DCLK2: variants seen among roughly 807,000 people sequenced by gnomAD.
DCLK2 encodes the protein serine/threonine-protein kinase DCLK2.
DCLK2 carries 31 observed loss-of-function variants against 78.4 expected under a neutral mutation model. The observed-to-expected ratio is 0.40, with a 90% CI of 0.30 to 0.53. The LOEUF is 0.53. DCLK2 is among the 20% of genes least tolerant of loss of function. The probability of loss-of-function intolerance (pLI) is 0.61; values close to 1 mark genes in which losing one functional copy is unlikely to be tolerated. For missense variants in DCLK2, 872 were observed against 973.7 expected (o/e 0.90, Z 1.39); for synonymous variants, 407 against 374.9 (o/e 1.09, Z -0.99).
chr4:150,249,428 C>A, intron 14 of DCLK2, 140 bp from the exon 15 acceptor site: 1 of 695,784 alleles, frequency 1.4e-6, no homozygotes, highest in Non-Finnish European at 2.6e-6. Flanking sequence ...TCATTGTTTC[C>A]CTAATTCTGT....
At chr4:150,117,633 C>G (rs185699404) in intron 2 of DCLK2, among the ~76,000 whole-genome samples, 1 of 152,290 alleles carries the variant, frequency 6.6e-6, no homozygotes, top group African/African-American at 2.4e-5. Flanking sequence ...TGGCTTCCCT[C>G]CATCCCCGCT....
At chr4:150,247,421 G>A (rs978067615) in intron 12 of DCLK2, among the ~76,000 whole-genome samples, 182 bp from the exon 13 acceptor site, 1 of 152,052 alleles carries the variant, frequency 6.6e-6, no homozygotes, top group Admixed American at 6.5e-5. Flanking sequence ...ATGTTCTTTG[G>A]CTCATTATCT....
rs139287963 is a variant in DCLK2 at position 150,170,094 on chromosome 4, C to G, written c.757-23044C>G. 6.0e-3 allele frequency among the ~76,000 whole-genome samples: 920 copies of G among 152,168 alleles called. 7 individuals carry two copies. The highest frequency in any genetic ancestry group is 0.01 in the Middle Eastern group (3 of 294). ...TTGAGACAGAGTCTCACTCTGACACCCAGGCTTGGAGTACAGTGGCATGAT... is the reference window on the plus strand; with the variant it reads ...TTGAGACAGAGTCTCACTCTGACACGCAGGCTTGGAGTACAGTGGCATGAT... On this transcript the variant is annotated intron_variant, in intron 2 of 15. Transcript: ENST00000296550.
intron 1 of DCLK2, among the ~76,000 whole-genome samples, chr4:150,097,612 G>A (rs1226874746): frequency 6.6e-6 from 1 of 152,202 alleles, no homozygotes; most frequent in Non-Finnish European, 1.5e-5. Flanking sequence ...TGCTATATAT[G>A]CAGTAATGCA....
At chr4:150,229,056 T>C (rs1224013522) in intron 8 of DCLK2, among the ~76,000 whole-genome samples, 1 of 145,466 alleles carries the variant, frequency 6.9e-6, no homozygotes, top group Non-Finnish European at 1.5e-5. Flanking sequence ...AAAAAAAAAC[T>C]ATGGCTGGAA....
Position 150,256,287 on chromosome 4 carries a change from G to A in DCLK2, c.*40G>A. 1 of 1,463,546 alleles carries A rather than the reference G, an allele frequency of 6.8e-7. No individual in the cohort carries two copies. Among genetic ancestry groups the A allele is most frequent in the Non-Finnish European group, 9.0e-7 (1 of 1,110,982 alleles). 90.7% of individuals were successfully genotyped at this position (1,463,546 alleles called of 1,614,324 possible). ...GGCGAAGCCGCCTGCTGCAGCCCAGGAAGCCAGCCCTCTGCTCGGCCTCGC... is the reference window on the plus strand; with the variant it reads ...GGCGAAGCCGCCTGCTGCAGCCCAGAAAGCCAGCCCTCTGCTCGGCCTCGC... On this transcript the variant is annotated 3_prime_UTR_variant, in exon 16 of 16. Transcript: ENST00000296550.
intron 2 of DCLK2, among the ~76,000 whole-genome samples, chr4:150,154,803 A>G (rs1464469606): frequency 6.6e-6 from 1 of 152,224 alleles, no homozygotes; most frequent in Non-Finnish European, 1.5e-5. Flanking sequence ...TATGCAATAA[A>G]ATGTACCAAT....
rs1730293757 is a variant in DCLK2 at position 150,094,080 on chromosome 4, A to G, written c.422-8398A>G. Among the ~76,000 whole-genome samples, 6 of 152,230 alleles carry G rather than the reference A, an allele frequency of 3.9e-5. No homozygotes were observed. In the South Asian group the frequency reaches 1.2e-3, roughly 31 times the overall value. ...AACTCAAAATAATTTAAAAATTTAA[A>G]TATAAGATCTGAAACTCCTAGAAGG... On this transcript the variant is annotated intron_variant, in intron 1 of 15. Transcript: ENST00000296550.
intron 1 of DCLK2, among the ~76,000 whole-genome samples, chr4:150,093,837 A>G (rs543277491): frequency 2.0e-4 from 30 of 152,366 alleles, no homozygotes; most frequent in African/African-American, 7.2e-4. Context: ...TAATTAAAAC[A>G]TTATGATACT....
At chr4:150,190,240 T>TAGATAGATAGAC (rs1553966423) in intron 2 of DCLK2, among the ~76,000 whole-genome samples, 7 of 35,688 alleles carry the variant, frequency 2.0e-4, no homozygotes, top group African/African-American at 1.5e-3. Context: ...GATAGTTAGA[T>TAGATAGATAGAC]AGATAGATAG....
Position 150,249,692 on chromosome 4 carries a change from G to A in DCLK2, c.2073+8G>A. 1 of 1,610,114 alleles carries A rather than the reference G, an allele frequency of 6.2e-7. No individual in the cohort carries two copies. Among genetic ancestry groups the A allele is most frequent in the Non-Finnish European group, 8.5e-7 (1 of 1,177,004 alleles). On this transcript the variant is annotated splice_region_variant and intron_variant, in intron 15 of 15. Coordinates refer to ENST00000296550, the MANE Select transcript of DCLK2 (RefSeq NM_001040260.4). ...GGGGTCTCCGTCATCATGGTGAGTG[G>A]AAGGCGGCAGGTCTGGCCTGACTGC...
At chr4:150,246,123 C>A (rs560504772) in intron 12 of DCLK2, among the ~76,000 whole-genome samples, 75 of 151,902 alleles carry the variant, frequency 4.9e-4, no homozygotes, top group African/African-American at 1.8e-3. Flanking sequence ...CAGCTCACTG[C>A]AACCTCCGCC....
intron 2 of DCLK2, among the ~76,000 whole-genome samples, chr4:150,148,396 T>C (rs1734634520): frequency 6.7e-6 from 1 of 148,690 alleles, no homozygotes; most frequent in Admixed American, 6.7e-5. Flanking sequence ...TTTTTTTTTA[T>C]GTTTTTAAAA....
At chr4:150,124,704 A>C (rs1193149359) in intron 2 of DCLK2, among the ~76,000 whole-genome samples, 1 of 152,250 alleles carries the variant, frequency 6.6e-6, no homozygotes, top group African/African-American at 2.4e-5. Flanking sequence ...AAGTAACTTA[A>C]TCCAAATTTT....
Position 150,249,625 on chromosome 4 carries a change from C to T in DCLK2, c.2014C>T (p.His672Tyr), listed in dbSNP as rs1580798304. The T allele has an allele frequency of 6.2e-7, 1 of 1,613,794 alleles. No homozygotes were observed. Among genetic ancestry groups the T allele is most frequent in the Non-Finnish European group, 8.5e-7 (1 of 1,179,988 alleles). ...QAEVTGKLKQHFNNALPKQNS... is the reference protein window; with the variant it reads ...QAEVTGKLKQYFNNALPKQNS... The stretch of plus-strand genomic sequence containing the variant: ...TGAGGTGACAGGTAAACTAAAACAG[C>T]ACTTTAATAATGCGCTCCCCAAACA... Residue 672 changes from histidine to tyrosine, a missense_variant, in exon 15 of 16, where the codon CAC (histidine) becomes TAC (tyrosine). Coordinates refer to ENST00000296550, the MANE Select transcript of DCLK2 (RefSeq NM_001040260.4).
chr4:150,185,820 A>G (rs1412665473), intron 2 of DCLK2, among the ~76,000 whole-genome samples: 2 of 152,174 alleles, frequency 1.3e-5, no homozygotes, highest in African/African-American at 2.4e-5. Flanking sequence ...TGGTTGTGGC[A>G]AGCTGTTACG....
chr4:150,243,267 T>C (rs570613080), intron 12 of DCLK2, among the ~76,000 whole-genome samples: 106 of 152,334 alleles, frequency 7.0e-4, no homozygotes, highest in Non-Finnish European at 1.4e-3. Flanking sequence ...GCTGCCCTTA[T>C]ATGCTGCCTT....
chr4:150,175,650 C>T (rs2150271430), intron 2 of DCLK2: 1 of 152,166 alleles, frequency 6.6e-6, no homozygotes, highest in East Asian at 1.9e-4. Context: ...AGTCTTTGTC[C>T]CAGGCCTCAC....
At position 150,135,409 on chromosome 4, in the gene DCLK2, G is replaced by A. The variant is rs548073610; in HGVS notation, c.756+32597G>A. Among the ~76,000 whole-genome samples, 7 of 152,208 alleles carry A rather than the reference G, an allele frequency of 4.6e-5. No individual in the cohort carries two copies. In the East Asian group the frequency reaches 1.2e-3, roughly 25 times the overall value. On this transcript the variant is annotated intron_variant, in intron 2 of 15. Transcript: ENST00000296550. ...ATAAAATGCTGCCCTGAAGACAAAC[G>A]AGCACTTAAATATTTACTCAAATAT... is the stretch of plus-strand genomic sequence containing the variant.
Sources: gnomAD v4.1 joint callset for allele counts (sites outside exome capture counted in the v4.1 genomes callset) on GRCh38, gnomAD v4.1.1 for gene constraint, MANE v1.5 for transcripts, NCBI Gene and HGNC (gene_info 2026-07-23, HGNC 2026-07-21) for gene names.